The following PDE10A variants were observed in gnomAD, a reference collection of about 807,000 sequenced individuals.
PDE10A encodes the protein cAMP and cAMP-inhibited cGMP 3',5'-cyclic phosphodiesterase 10A.
Under a neutral mutation model 97.7 loss-of-function variants are expected in PDE10A, and 39 were observed. The ratio of observed to expected loss-of-function variants is 0.40; its 90% CI spans 0.31 to 0.52. The LOEUF is 0.52. Ranked by LOEUF, PDE10A falls within the 20% of genes least tolerant of loss-of-function variation. The probability of loss-of-function intolerance (pLI) is 0.56; values close to 1 mark genes in which losing one functional copy is unlikely to be tolerated. For synonymous variants in PDE10A, 371 were observed against 376.8 expected, an observed-to-expected ratio of 0.98 and a Z score of 0.18; for missense variants, 731 against 1,047.8, an observed-to-expected ratio of 0.70 and a Z score of 4.17.
chr6:165,725,685 G>GA (rs142368083), intron 1 of PDE10A, among the ~76,000 whole-genome samples: 3,946 of 152,114 alleles, frequency 0.026, 63 homozygotes, highest in Middle Eastern at 0.058. Flanking sequence ...ATGTACTTAC[G>GA]AAAAAAATCA....
At chr6:165,950,169 A>C (rs1783908770) in intron 1 of PDE10A, among the ~76,000 whole-genome samples, 1 of 152,166 alleles carries the variant, frequency 6.6e-6, no homozygotes, top group Non-Finnish European at 1.5e-5. Context: ...TATATATTTT[A>C]AATGTTTAAA....
intron 1 of PDE10A, among the ~76,000 whole-genome samples, chr6:165,931,681 CG>C (rs1783139834): frequency 6.6e-6 from 1 of 152,122 alleles, no homozygotes; most frequent in South Asian, 2.1e-4. Context: ...TCTCATACCT[CG>C]GGGAGAAGCC....
At chr6:165,484,564 G>A (rs1481138625) in intron 2 of PDE10A, among the ~76,000 whole-genome samples, 1 of 152,204 alleles carries the variant, frequency 6.6e-6, no homozygotes, top group Non-Finnish European at 1.5e-5. Flanking sequence ...AGGTGGTGAT[G>A]CTAGCGCTGG....
At chr6:165,377,662 G>T (rs1784691445) in intron 18 of PDE10A, among the ~76,000 whole-genome samples, 1 of 152,044 alleles carries the variant, frequency 6.6e-6, no homozygotes, top group Admixed American at 6.5e-5. Flanking sequence ...AGAAAAAAAA[G>T]AAAGTGTATG....
intron 1 of PDE10A, among the ~76,000 whole-genome samples, chr6:165,810,476 C>G (rs1399907281): frequency 6.6e-6 from 1 of 152,178 alleles, no homozygotes; most frequent in Non-Finnish European, 1.5e-5. Flanking sequence ...ATCACATCCT[C>G]AGAGCACTCA....
At chr6:165,906,660 A>G (rs1203761758) in intron 1 of PDE10A, among the ~76,000 whole-genome samples, 1 of 152,232 alleles carries the variant, frequency 6.6e-6, no homozygotes, top group East Asian at 1.9e-4. Flanking sequence ...GGCAGGTGCC[A>G]GAGAATGCAC....
At chr6:165,677,445 C>G (rs10946093) in intron 1 of PDE10A, among the ~76,000 whole-genome samples, 68,616 of 152,086 alleles carry the variant, frequency 0.45, 16,281 homozygotes, top group East Asian at 0.75. Flanking sequence ...GACTCCACAT[C>G]CCTGGATTCA....
chr6:165,704,093 A>G (rs1411846598), intron 1 of PDE10A, among the ~76,000 whole-genome samples: 1 of 152,204 alleles, frequency 6.6e-6, no homozygotes, highest in Non-Finnish European at 1.5e-5. Context: ...GTACAACAGT[A>G]TGTTGTATCC....
At chr6:165,430,622 T>C (rs1180868023) in intron 8 of PDE10A, among the ~76,000 whole-genome samples, 1 of 131,266 alleles carries the variant, frequency 7.6e-6, no homozygotes, top group Non-Finnish European at 1.7e-5. Flanking sequence ...GTTAAGAACC[T>C]TACTGAGGCT....
At chr6:165,831,824 C>A (rs7772849) in intron 1 of PDE10A, among the ~76,000 whole-genome samples, 2 of 151,876 alleles carry the variant, frequency 1.3e-5, no homozygotes, top group African/African-American at 2.4e-5. Context: ...CACTCTCCCC[C>A]CTGCCTTTTT....
intron 1 of PDE10A, among the ~76,000 whole-genome samples, chr6:165,987,242 C>A (rs886933974): frequency 2.6e-5 from 4 of 152,172 alleles, no homozygotes; most frequent in Non-Finnish European, 4.4e-5. Flanking sequence ...TCAGTTGGCG[C>A]TGGGGCGGGC....
chr6:165,492,197 C>T (rs570438823), intron 2 of PDE10A, among the ~76,000 whole-genome samples: 69 of 152,040 alleles, frequency 4.5e-4, no homozygotes, highest in Admixed American at 8.5e-4. Flanking sequence ...TAACAAGCAG[C>T]GAGATTGAAA....
chr6:165,535,230 A>AAT (rs113648418), intron 2 of PDE10A, among the ~76,000 whole-genome samples: 1,720 of 147,994 alleles, frequency 0.012, 15 homozygotes, highest in African/African-American at 0.019. Flanking sequence ...TGCCTTTTAA[A>AAT]ATATATATAT....
chr6:165,633,682 C>T (rs183397387), intron 1 of PDE10A, among the ~76,000 whole-genome samples: 3 of 152,138 alleles, frequency 2.0e-5, no homozygotes, highest in African/African-American at 4.8e-5. Context: ...GGCTGGAGTG[C>T]GGTGGCACGA....
chr6:165,935,411 G>C (rs1382776144), intron 1 of PDE10A, among the ~76,000 whole-genome samples: 3 of 152,188 alleles, frequency 2.0e-5, no homozygotes, highest in Non-Finnish European at 4.4e-5. Flanking sequence ...CTTATAGCAA[G>C]TGGTAAGCCA....
At chr6:165,559,301 AG>A (rs1393221373) in intron 1 of PDE10A, among the ~76,000 whole-genome samples, 4 of 152,200 alleles carry the variant, frequency 2.6e-5, no homozygotes, top group African/African-American at 9.6e-5. Context: ...AGAAGAAAAT[AG>A]GGGCTAAGAG....
rs569100385 is a variant in PDE10A, at chr6:165,725,767, C to A, written c.-614-182199G>T. 3.9e-4 allele frequency among the ~76,000 whole-genome samples: 59 copies of A among 152,300 alleles called. 1 individual carries two copies. The South Asian group carries it at 0.012, about 30-fold the overall frequency. ...GTTTGCCTCCCTTTCCATTATCCCC[C>A]ATGCTCCTGTTTCTACCTGTAAAGA... is the stretch of plus-strand genomic sequence containing the variant. On this transcript the variant is annotated intron_variant, in intron 1 of 19. Coordinates refer to the PDE10A transcript ENST00000366882.
chr6:165,743,068 C>G (rs1792766003), intron 1 of PDE10A, among the ~76,000 whole-genome samples: 1 of 152,184 alleles, frequency 6.6e-6, no homozygotes, highest in Non-Finnish European at 1.5e-5. Context: ...CTACCCTGCC[C>G]TGTGTCTTAG....
intron 1 of PDE10A, among the ~76,000 whole-genome samples, chr6:165,690,786 T>C (rs1791249648): frequency 6.6e-6 from 1 of 152,352 alleles, no homozygotes; most frequent in South Asian, 2.1e-4. Flanking sequence ...TAATTTCATG[T>C]GTTAACTTGA....
Sources: allele counts gnomAD v4.1 joint callset (sites outside exome capture counted in the v4.1 genomes callset), GRCh38; gene constraint gnomAD v4.1.1; transcripts MANE v1.5; gene names NCBI Gene and HGNC (gene_info 2026-07-23, HGNC 2026-07-21).